CDH12: variants seen among roughly 807,000 people sequenced by gnomAD.
The protein encoded by CDH12 is cadherin 12.
A neutral mutation model predicts 74.1 loss-of-function variants in CDH12; 41 were observed. The observed-to-expected ratio is 0.55, with a 90% CI of 0.43 to 0.72. The LOEUF (loss-of-function observed/expected upper bound fraction) is 0.72, where lower values mean the gene tolerates loss of function less well. Among genes scored for constraint, CDH12 ranks in the 30% least tolerant of loss-of-function variants. The pLI, the probability that CDH12 is intolerant of heterozygous loss-of-function variation, is 0.00. For synonymous variants in CDH12, 399 were observed against 355.0 expected, an observed-to-expected ratio of 1.12 and a Z score of -1.39; for missense variants, 945 against 977.2, an observed-to-expected ratio of 0.97 and a Z score of 0.44.
intron 4 of CDH12, among the ~76,000 whole-genome samples, chr5:22,195,042 T>C (rs1750542412): frequency 6.6e-6 from 1 of 152,192 alleles, no homozygotes; most frequent in South Asian, 2.1e-4. Context: ...TAGGACCTGA[T>C]GATATTATCC....
At chr5:22,505,416 C>G in intron 1 of CDH12, 52 bp from the exon 2 acceptor site, 1 of 616,456 alleles carries the variant, frequency 1.6e-6, no homozygotes, top group Non-Finnish European at 2.0e-6. Flanking sequence ...TTCTAATAAA[C>G]ATTTATTTTA....
rs1755901675 is a variant in CDH12, at chr5:21,952,379, A to T, written c.526+22712T>A. Among the ~76,000 whole-genome samples the T allele has an allele frequency of 2.0e-5, 3 of 152,288 alleles. 1 individual carries two copies. In the South Asian group the frequency reaches 6.2e-4, roughly 32 times the overall value. ...CTGACTTGGTTGCATTTTTATGGAA[A>T]CCAGGATGTTGAGGATGTGAGACTG... On this transcript the variant is annotated intron_variant, in intron 6 of 14. Transcript: ENST00000382254.
Position 22,532,036 on chromosome 5 carries a change from G to A in CDH12, c.-522-26672C>T, listed in dbSNP as rs567173549. Among the ~76,000 whole-genome samples, 6 of 152,088 alleles carry A rather than the reference G, an allele frequency of 3.9e-5. No homozygotes were observed. In the South Asian group the frequency reaches 6.2e-4, roughly 16 times the overall value. On this transcript the variant is annotated intron_variant, in intron 1 of 14. Coordinates refer to ENST00000382254, the MANE Select transcript of CDH12 (RefSeq NM_004061.5). ...AATCCTGTAAAGTTAGGAAGAAATC[G>A]ATATCTCAGGGGCTTTGAGGGACAA...
intron 1 of CDH12, among the ~76,000 whole-genome samples, chr5:22,796,307 C>A (rs972479977): frequency 6.6e-6 from 1 of 152,058 alleles, no homozygotes; most frequent in Non-Finnish European, 1.5e-5. Flanking sequence ...ACATTCCCAC[C>A]AACAGTGCAT....
chr5:21,752,871 A>G (rs1173507949), intron 14 of CDH12, among the ~76,000 whole-genome samples: 1 of 152,204 alleles, frequency 6.6e-6, no homozygotes, highest in Non-Finnish European at 1.5e-5. Flanking sequence ...TAAATCTTAC[A>G]AACTAAAGCA....
At chr5:21,838,974 A>G (rs1749691462) in intron 8 of CDH12, among the ~76,000 whole-genome samples, 1 of 152,308 alleles carries the variant, frequency 6.6e-6, no homozygotes, top group Admixed American at 6.5e-5. Context: ...GGATATTGAC[A>G]TTACCTAATA....
chr5:21,817,185 T>A, intron 8 of CDH12, 53 bp from the exon 9 acceptor site: 1 of 1,245,348 alleles, frequency 8.0e-7, no homozygotes, highest in Non-Finnish European at 1.1e-6. Context: ...AGAGATATAG[T>A]AAGATTACAA....
chr5:22,384,759 T>TATGC (rs1248378395), intron 3 of CDH12, among the ~76,000 whole-genome samples: 2 of 152,090 alleles, frequency 1.3e-5, no homozygotes, highest in South Asian at 2.1e-4. Context: ...TCTTGATTAA[T>TATGC]ATGCAACTTT....
intron 2 of CDH12, among the ~76,000 whole-genome samples, chr5:22,486,146 T>C (rs1346907168): frequency 6.6e-6 from 1 of 152,154 alleles, no homozygotes; most frequent in African/African-American, 2.4e-5. Flanking sequence ...CTCTGTTTCT[T>C]CCCATGATGT....
chr5:21,845,343 C>T (rs1750107026), intron 7 of CDH12, among the ~76,000 whole-genome samples: 1 of 152,104 alleles, frequency 6.6e-6, no homozygotes, highest in Non-Finnish European at 1.5e-5. Context: ...CAAGAAATGC[C>T]TTCATTCCAG....
chr5:22,165,754 C>A (rs1463531223), intron 4 of CDH12, among the ~76,000 whole-genome samples: 3 of 152,122 alleles, frequency 2.0e-5, no homozygotes, highest in African/African-American at 7.2e-5. Context: ...ATAAAACAGA[C>A]TGCAGTAAAG....
intron 2 of CDH12, among the ~76,000 whole-genome samples, chr5:22,498,248 T>C (rs563211115): frequency 6.6e-6 from 1 of 152,218 alleles, no homozygotes; most frequent in East Asian, 1.9e-4. Context: ...CTGCATAGCA[T>C]TTATCATTTT....
chr5:22,726,960 T>C (rs1561606194), intron 1 of CDH12, among the ~76,000 whole-genome samples: 2 of 151,874 alleles, frequency 1.3e-5, no homozygotes, highest in African/African-American at 4.8e-5. Flanking sequence ...TCTAGTATTA[T>C]GTACTTCTGT....
intron 4 of CDH12, among the ~76,000 whole-genome samples, chr5:22,092,124 T>C (rs1743470941): frequency 6.6e-6 from 1 of 151,542 alleles, no homozygotes; most frequent in African/African-American, 2.4e-5. Context: ...TGCCACCATA[T>C]GCAAAAATTC....
chr5:21,878,604 ATGG>A (rs1752062999), intron 6 of CDH12, among the ~76,000 whole-genome samples: 1 of 146,914 alleles, frequency 6.8e-6, no homozygotes, highest in Non-Finnish European at 1.5e-5. Context: ...TTAGCCAGGC[ATGG>A]TGGCATGGCC....
At chr5:22,498,901 C>CTTTTTTT (rs34550762) in intron 2 of CDH12, among the ~76,000 whole-genome samples, 99 of 73,388 alleles carry the variant, frequency 1.3e-3, no homozygotes, top group Middle Eastern at 9.4e-3. Context: ...TTTTCTGTTT[C>CTTTTTTT]TTTTTTTTTT....
At chr5:21,875,089 T>C (rs7443823) in intron 6 of CDH12, among the ~76,000 whole-genome samples, 139,298 of 152,210 alleles carry the variant, frequency 0.92, 64,905 homozygotes, top group Non-Finnish European at 1. Context: ...CAGGTCCTGT[T>C]GAGGTTGCAG....
At chr5:22,057,612 T>C (rs1428429253) in intron 5 of CDH12, among the ~76,000 whole-genome samples, 2 of 152,154 alleles carry the variant, frequency 1.3e-5, no homozygotes, top group Admixed American at 6.5e-5. Flanking sequence ...ACTGGGGACA[T>C]AGATTTCTCA....
chr5:22,672,773 A>G (rs554576959), intron 1 of CDH12, among the ~76,000 whole-genome samples: 1 of 152,336 alleles, frequency 6.6e-6, no homozygotes, highest in African/African-American at 2.4e-5. Context: ...AATCAAAGTC[A>G]AGTTTAAATT....
Sources: allele counts gnomAD v4.1 joint callset (sites outside exome capture counted in the v4.1 genomes callset), GRCh38; gene constraint gnomAD v4.1.1; transcripts MANE v1.5; gene names NCBI Gene and HGNC (gene_info 2026-07-23, HGNC 2026-07-21).